RAB3C: variants seen among roughly 807,000 people sequenced by gnomAD.
RAB3C encodes the protein RAB3C, member RAS oncogene family, also known as ras-related protein Rab-3C.
A neutral mutation model predicts 26.4 loss-of-function variants in RAB3C; 17 were observed. That is an observed-to-expected ratio of 0.64 (90% CI 0.44 to 0.97). The LOEUF (loss-of-function observed/expected upper bound fraction) is 0.97, where lower values mean the gene tolerates loss of function less well. RAB3C is among the 50% of genes least tolerant of loss of function. The pLI is 0.00. For missense variants in RAB3C, 242 were observed against 281.9 expected (o/e 0.86, Z 1.01); for synonymous variants, 91 against 95.9 (o/e 0.95, Z 0.30).
chr5:58,846,530 C>T lies in RAB3C; in HGVS notation c.497-4634C>T, dbSNP rs559549104. 5.9e-5 allele frequency among the ~76,000 whole-genome samples: 9 copies of T among 152,186 alleles called. No individual in the cohort carries two copies. In the South Asian group the frequency reaches 1.9e-3, roughly 32 times the overall value. On this transcript the variant is annotated intron_variant, in intron 4 of 4. Transcript: ENST00000282878. ...AGTAGCTGGGATTACAGGATTGTGG[C>T]ACCACACTCAGCTAATCTTTGTATA...
intron 3 of RAB3C, among the ~76,000 whole-genome samples, chr5:58,818,912 C>T (rs1210609474): frequency 6.6e-6 from 1 of 152,036 alleles, no homozygotes; most frequent in Non-Finnish European, 1.5e-5. Flanking sequence ...TTGTCATACC[C>T]CTGATAGACA....
At chr5:58,700,916 G>T (rs1049412092) in intron 2 of RAB3C, among the ~76,000 whole-genome samples, 3 of 152,108 alleles carry the variant, frequency 2.0e-5, no homozygotes, top group Non-Finnish European at 2.9e-5. Flanking sequence ...TTTATGGATA[G>T]ACCTCCAAAT....
intron 3 of RAB3C, among the ~76,000 whole-genome samples, chr5:58,811,247 A>G (rs1468390242): frequency 1.3e-5 from 2 of 152,096 alleles, no homozygotes. Context: ...GCCTTTTCTC[A>G]TTTCTTGGTT....
chr5:58,603,551 C>T (rs779867545), intron 1 of RAB3C, among the ~76,000 whole-genome samples: 14 of 152,212 alleles, frequency 9.2e-5, no homozygotes, highest in Middle Eastern at 3.4e-3. Context: ...AATTCAAAGA[C>T]CTTGTCTTCA....
At chr5:58,840,686 G>A (rs925124857) in intron 4 of RAB3C, among the ~76,000 whole-genome samples, 2 of 152,038 alleles carry the variant, frequency 1.3e-5, no homozygotes, top group Non-Finnish European at 2.9e-5. Flanking sequence ...ATGCAACAGT[G>A]TACTCTCCAT....
Position 58,830,460 on chromosome 5 carries a change from G to A in RAB3C, c.496+5298G>A, listed in dbSNP as rs58640479. 8.2e-3 allele frequency among the ~76,000 whole-genome samples: 1,254 copies of A among 152,190 alleles called. 21 individuals are homozygous for A. The highest frequency in any genetic ancestry group is 0.028 in the African/African-American group (1,176 of 41,516). ...TATTGACCATGCTACATCATATGTT[G>A]TGGTACCACTCTCAGAGACAAGATG... On this transcript the variant is annotated intron_variant, in intron 4 of 4. Transcript: ENST00000282878.
chr5:58,833,933 A>G (rs796976973), intron 4 of RAB3C, among the ~76,000 whole-genome samples: 37 of 152,348 alleles, frequency 2.4e-4, no homozygotes, highest in African/African-American at 8.7e-4. Flanking sequence ...TGCATATTGC[A>G]TAGAGAGGTG....
chr5:58,746,464 G>GCA (rs1484616972), intron 3 of RAB3C, among the ~76,000 whole-genome samples: 4 of 152,120 alleles, frequency 2.6e-5, no homozygotes, highest in Non-Finnish European at 5.9e-5. Context: ...GCACATATAT[G>GCA]CACACACACG....
rs577375788 is a variant in RAB3C, at chr5:58,833,990, G to A, written c.496+8828G>A. Among the ~76,000 whole-genome samples, 16 of 152,222 alleles carry A rather than the reference G, an allele frequency of 1.1e-4. No homozygotes were observed. The South Asian group carries it at 2.9e-3, about 28-fold the overall frequency. On this transcript the variant is annotated intron_variant, in intron 4 of 4. Coordinates refer to ENST00000282878, the MANE Select transcript of RAB3C (RefSeq NM_138453.4). ...AAATCGAAATAGATTTCTAAGAGTT[G>A]CCTTCATTCAATGTCTTTTTGATAA...
At position 58,774,297 on chromosome 5, in the gene RAB3C, G is replaced by A. The variant is rs1279294637; in HGVS notation, c.371+48177G>A. Among the ~76,000 whole-genome samples, 71 of 151,972 alleles carry A rather than the reference G, an allele frequency of 4.7e-4. 1 individual carries two copies. The highest frequency in any genetic ancestry group is 2.9e-5 in the Non-Finnish European group (2 of 67,992). ...AGGGAGAATTCTCTGCCTTTCCAAG[G>A]CCAGTGCTTCCACCTAAGCTCTTGA... On this transcript the variant is annotated intron_variant, in intron 3 of 4. Transcript: ENST00000282878.
At chr5:58,593,674 G>A (rs756545999) in intron 1 of RAB3C, among the ~76,000 whole-genome samples, 25 of 152,118 alleles carry the variant, frequency 1.6e-4, no homozygotes, top group Non-Finnish European at 2.4e-4. Context: ...CCTTAATGGC[G>A]TCAACTCTGC....
At chr5:58,692,834 A>T (rs538697649) in intron 2 of RAB3C, among the ~76,000 whole-genome samples, 37 of 152,098 alleles carry the variant, frequency 2.4e-4, no homozygotes, top group Non-Finnish European at 4.1e-4. Context: ...TTGGCTGGGC[A>T]CGGTGGCTCA....
chr5:58,819,204 C>G (rs1009552444), intron 3 of RAB3C, among the ~76,000 whole-genome samples: 1 of 152,120 alleles, frequency 6.6e-6, no homozygotes, highest in Non-Finnish European at 1.5e-5. Flanking sequence ...ACAACAGCCC[C>G]AGAGCATGTA....
chr5:58,754,658 A>T (rs537423717), intron 3 of RAB3C, among the ~76,000 whole-genome samples: 1 of 152,344 alleles, frequency 6.6e-6, no homozygotes, highest in South Asian at 2.1e-4. Context: ...ACCAGCCACA[A>T]AGAACCACAG....
chr5:58,606,966 C>A (rs953771278), intron 1 of RAB3C, among the ~76,000 whole-genome samples: 6 of 152,136 alleles, frequency 3.9e-5, no homozygotes, highest in Non-Finnish European at 7.4e-5. Context: ...GAAACCAGAG[C>A]AGAAAAGCTG....
intron 3 of RAB3C, among the ~76,000 whole-genome samples, chr5:58,780,024 G>A (rs1742237770): frequency 6.6e-6 from 1 of 152,094 alleles, no homozygotes; most frequent in African/African-American, 2.4e-5. Flanking sequence ...TTCGGGCACA[G>A]GGACCCCATC....
chr5:58,837,508 C>G (rs1246339244), intron 4 of RAB3C, among the ~76,000 whole-genome samples: 2 of 147,248 alleles, frequency 1.4e-5, no homozygotes, highest in Non-Finnish European at 3.0e-5. Flanking sequence ...TTGAGAAATG[C>G]CTGTTATTGG....
rs1004068254 is a variant in RAB3C at position 58,735,291 on chromosome 5, C to A, written c.371+9171C>A. Among the ~76,000 whole-genome samples the A allele has an allele frequency of 5.9e-5, 9 of 152,296 alleles. No individual in the cohort carries two copies. In the South Asian group the frequency reaches 1.2e-3, roughly 21 times the overall value. On this transcript the variant is annotated intron_variant, in intron 3 of 4. Transcript: ENST00000282878. ...CCTTAGCTGGAACATGTGTGTCAGA[C>A]AATTCAGATTTCTCGCTGCTCTGAG...
At chr5:58,804,043 G>T (rs2112030545) in intron 3 of RAB3C, among the ~76,000 whole-genome samples, 1 of 144,132 alleles carries the variant, frequency 6.9e-6, no homozygotes, top group Non-Finnish European at 1.5e-5. Context: ...CCAGGTGACA[G>T]TGCGAGACTC....
Sources: gnomAD v4.1 joint callset for allele counts (sites outside exome capture counted in the v4.1 genomes callset) on GRCh38, gnomAD v4.1.1 for gene constraint, MANE v1.5 for transcripts, NCBI Gene and HGNC (gene_info 2026-07-23, HGNC 2026-07-21) for gene names.